The following ZMYM5 variants were observed in gnomAD, a reference collection of about 807,000 sequenced individuals.
ZMYM5 encodes zinc finger MYM-type protein 5.
A neutral mutation model predicts 61.8 loss-of-function variants in ZMYM5; 41 were observed. That is an observed-to-expected ratio of 0.66 (90% CI 0.52 to 0.86). The LOEUF (loss-of-function observed/expected upper bound fraction) is 0.86, where lower values mean the gene tolerates loss of function less well. ZMYM5 is among the 40% of genes least tolerant of loss of function. The pLI, the probability that ZMYM5 is intolerant of heterozygous loss-of-function variation, is 0.00. For missense variants in ZMYM5, 706 were observed against 786.7 expected (o/e 0.90, Z 1.23); for synonymous variants, 257 against 276.4 (o/e 0.93, Z 0.70).
chr13:19,862,105 T>C (rs956931686), intron 2 of ZMYM5, among the ~76,000 whole-genome samples: 1 of 152,178 alleles, frequency 6.6e-6, no homozygotes. Flanking sequence ...GTAAAAAAGT[T>C]TTTCCAATCT....
chr13:19,842,637 A>C (rs1952915942), intron 4 of ZMYM5, among the ~76,000 whole-genome samples: 1 of 150,878 alleles, frequency 6.6e-6, no homozygotes. Context: ...CAGATGACTT[A>C]AGCTTTTTTT....
intron 4 of ZMYM5, among the ~76,000 whole-genome samples, chr13:19,839,877 A>G (rs11840877): frequency 0.098 from 14,968 of 152,224 alleles, 867 homozygotes; most frequent in African/African-American, 0.16. Flanking sequence ...ACTCAGGAAA[A>G]ACTCAGCTTT....
chr13:19,842,655 TAA>T (rs568928054), intron 4 of ZMYM5, among the ~76,000 whole-genome samples: 4 of 133,706 alleles, frequency 3.0e-5, no homozygotes, highest in South Asian at 2.4e-4. Flanking sequence ...TTTTTTTAAT[TAA>T]AAAAAAAAAA....
chr13:19,852,651 T>C (rs1290387018), intron 2 of ZMYM5, among the ~76,000 whole-genome samples: 1 of 152,204 alleles, frequency 6.6e-6, no homozygotes, highest in Non-Finnish European at 1.5e-5. Context: ...TTTATGCATC[T>C]TTTTTGTCCT....
At chr13:19,857,427 G>A (rs1242127274) in intron 2 of ZMYM5, among the ~76,000 whole-genome samples, 3 of 152,198 alleles carry the variant, frequency 2.0e-5, no homozygotes, top group Admixed American at 6.5e-5. Context: ...TACTTTCAGA[G>A]ACACTTCACA....
At chr13:19,832,484 G>A (rs1245924419) in intron 7 of ZMYM5, among the ~76,000 whole-genome samples, 3 of 151,436 alleles carry the variant, frequency 2.0e-5, no homozygotes, top group Admixed American at 6.6e-5. Flanking sequence ...ACAACACCAC[G>A]CCTGCCTAAT....
chr13:19,833,851 ATCT>A (rs1396337374), intron 7 of ZMYM5, among the ~76,000 whole-genome samples: 1 of 152,214 alleles, frequency 6.6e-6, no homozygotes, highest in Non-Finnish European at 1.5e-5. Context: ...CTGAAAGAAA[ATCT>A]TCCGGCCAGG....
At chr13:19,860,483 T>TG (rs1953705240) in intron 2 of ZMYM5, among the ~76,000 whole-genome samples, 1 of 151,020 alleles carries the variant, frequency 6.6e-6, no homozygotes, top group Non-Finnish European at 1.5e-5. Context: ...TTTTTTTTTT[T>TG]GTAGTGACAG....
intron 4 of ZMYM5, among the ~76,000 whole-genome samples, chr13:19,842,490 C>T (rs893889939): frequency 7.2e-5 from 11 of 151,922 alleles, no homozygotes; most frequent in African/African-American, 2.7e-4. Context: ...CCTGGTAAAA[C>T]CTAATTTGTT....
intron 7 of ZMYM5, among the ~76,000 whole-genome samples, chr13:19,827,786 C>A (rs1890984962): frequency 1.3e-5 from 2 of 151,880 alleles, no homozygotes; most frequent in Non-Finnish European, 2.9e-5. Flanking sequence ...AATCCCAGCA[C>A]TTTGGGAGGC....
At chr13:19,862,999 G>A (rs1235574113) in intron 1 of ZMYM5, among the ~76,000 whole-genome samples, 3 of 152,220 alleles carry the variant, frequency 2.0e-5, no homozygotes, top group Admixed American at 6.5e-5. Flanking sequence ...CGAAGGAGGG[G>A]ACCCAGCGGG....
rs1352060159 is a variant in ZMYM5 at position 19,824,551 on chromosome 13, T to C, written c.1936A>G (p.Lys646Glu). 1 of 1,326,852 alleles carries C rather than the reference T, an allele frequency of 7.5e-7. No homozygotes were observed. The highest frequency in any genetic ancestry group is 9.9e-7 in the Non-Finnish European group (1 of 1,005,206). 82.2% of individuals were successfully genotyped at this position (1,326,852 alleles called of 1,614,324 possible). ...CTGTGTTCTGCAGCATCAATAGCTT[T>C]ATTTTTTTTCAGATCAGATTTTAAT... ...SKLKSDLKKNKAIDAAEHRLY... is the reference protein window; with the variant it reads ...SKLKSDLKKNEAIDAAEHRLY... The change falls in exon 8 of 8, where the codon AAA becomes GAA. Residue 646 changes from lysine (K) to glutamate (E), a missense_variant. This residue lies in a region of ZMYM5 where 226 missense variants were observed against 325.0 expected (regional missense o/e 0.70). Coordinates refer to ENST00000337963, the MANE Select transcript of ZMYM5 (RefSeq NM_001142684.2).
intron 2 of ZMYM5, among the ~76,000 whole-genome samples, chr13:19,859,480 G>A (rs1593925849): frequency 6.6e-6 from 1 of 152,052 alleles, no homozygotes; most frequent in East Asian, 1.9e-4. Context: ...TTGGCTCACT[G>A]CAAGCTCCAC....
At chr13:19,863,258 C>G (rs1450521086) in intron 1 of ZMYM5, among the ~76,000 whole-genome samples, 192 bp downstream of exon 1, 1 of 151,910 alleles carries the variant, frequency 6.6e-6, no homozygotes, top group Non-Finnish European at 1.5e-5. Flanking sequence ...TCACCCAACC[C>G]TCCCGGCCTC....
intron 7 of ZMYM5, among the ~76,000 whole-genome samples, chr13:19,833,378 A>C (rs941958011): frequency 6.6e-6 from 1 of 152,196 alleles, no homozygotes; most frequent in African/African-American, 2.4e-5. Flanking sequence ...ATTTCAGCAT[A>C]ATTTGTTAAA....
rs758667322 is a variant in ZMYM5 at position 19,835,571 on chromosome 13, T to C, written c.1157A>G (p.Tyr386Cys). 1 of 1,367,620 alleles carries C rather than the reference T, an allele frequency of 7.3e-7. No individual in the cohort carries two copies. The highest frequency in any genetic ancestry group is 1.5e-5 in the African/African-American group (1 of 67,762). 84.7% of individuals were successfully genotyped at this position (1,367,620 alleles called of 1,614,324 possible). A position where few individuals can be genotyped will look rare whatever the true frequency, so the allele number is the denominator to read the frequency against. The change falls in exon 7 of 8, where the codon TAC becomes TGC. Residue 386 changes from tyrosine to cysteine, a missense_variant. Coordinates refer to ENST00000337963, the MANE Select transcript of ZMYM5 (RefSeq NM_001142684.2). ...GTTTCCAGTACTCTTACTAGGCATG[T>C]ACTCTCCACAGTGTTCACAGCAGTT... ...IMNCCEHCGE[Y>C]MPSKSTGNNI... is the part of the protein sequence containing the mutation.
chr13:19,856,092 T>C (rs758561364), intron 2 of ZMYM5, among the ~76,000 whole-genome samples: 2 of 151,902 alleles, frequency 1.3e-5, no homozygotes, highest in Non-Finnish European at 2.9e-5. Flanking sequence ...TGTTTATAAC[T>C]TAACCATGAA....
rs1890768903 is a variant in ZMYM5 at position 19,823,542 on chromosome 13, A to G, written c.*935T>C. 1 of 152,188 alleles carries G rather than the reference A, an allele frequency of 6.6e-6. No individual in the cohort carries two copies. 9.4% of individuals were successfully genotyped at this position (152,188 alleles called of 1,614,324 possible). On this transcript the variant is annotated 3_prime_UTR_variant, in exon 8 of 8. Transcript: ENST00000337963. ...ATTTTTATCAACATAAAATAGGTAAATATAGTTCACATACAATAATAAATG... is the reference window on the plus strand; with the variant it reads ...ATTTTTATCAACATAAAATAGGTAAGTATAGTTCACATACAATAATAAATG...
At chr13:19,830,246 C>T (rs1047323579) in intron 7 of ZMYM5, among the ~76,000 whole-genome samples, 2 of 152,120 alleles carry the variant, frequency 1.3e-5, no homozygotes, top group Admixed American at 6.5e-5. Context: ...ATGTGTTGGC[C>T]TTTTCAGAAG....
Sources: allele counts gnomAD v4.1 joint callset (sites outside exome capture counted in the v4.1 genomes callset), GRCh38; gene constraint gnomAD v4.1.1; regional missense constraint gnomAD v4.1.1; transcripts MANE v1.5; gene names NCBI Gene and HGNC (gene_info 2026-07-23, HGNC 2026-07-21).